Variants in ZNF180 observed in about 807,000 individuals in gnomAD.
ZNF180 encodes the protein zinc finger protein 180.
ZNF180 carries 11 observed loss-of-function variants against 11.8 expected under a neutral mutation model. The ratio of observed to expected loss-of-function variants is 0.93; its 90% CI spans 0.59 to 1.55. The LOEUF (loss-of-function observed/expected upper bound fraction) is 1.55. ZNF180 is among the 40% of genes most tolerant of loss of function. ZNF180 has a pLI of 0.00. For missense variants in ZNF180, 773 were observed against 781.7 expected, an observed-to-expected ratio of 0.99 and a Z score of 0.13; for synonymous variants, 287 against 257.7, an observed-to-expected ratio of 1.11 and a Z score of -1.09.
chr19:44,489,984 A>C (rs1271097737), intron 2 of ZNF180, among the ~76,000 whole-genome samples: 6 of 127,510 alleles, frequency 4.7e-5, no homozygotes, highest in East Asian at 2.5e-4. Context: ...AGAAAGAAAG[A>C]AAGAAAAAGC....
chr19:44,496,285 C>T (rs557413510), intron 2 of ZNF180, among the ~76,000 whole-genome samples: 2 of 152,100 alleles, frequency 1.3e-5, no homozygotes, highest in South Asian at 4.2e-4. Flanking sequence ...TCCCAAAGTA[C>T]TGGGATTATA....
At chr19:44,494,840 G>T (rs1008874224) in intron 2 of ZNF180, among the ~76,000 whole-genome samples, 1 of 152,110 alleles carries the variant, frequency 6.6e-6, no homozygotes, top group Non-Finnish European at 1.5e-5. Context: ...GCAAAAAAAT[G>T]TAACACTAAA....
intron 3 of ZNF180, among the ~76,000 whole-genome samples, chr19:44,480,746 G>T (rs1970056939): frequency 6.6e-6 from 1 of 152,196 alleles, no homozygotes; most frequent in Non-Finnish European, 1.5e-5. Flanking sequence ...TTTTGTGTAT[G>T]AAACAGTTTT....
chr19:44,499,553 A>G (rs1970683318), intron 1 of ZNF180, among the ~76,000 whole-genome samples: 1 of 152,088 alleles, frequency 6.6e-6, no homozygotes, highest in Non-Finnish European at 1.5e-5. Flanking sequence ...CCCTACTATC[A>G]GTTCAAGTTT....
chr19:44,476,111 C>T lies in ZNF180; in HGVS notation c.*291G>A, dbSNP rs912475626. On this transcript the variant is annotated 3_prime_UTR_variant, in exon 5 of 5. Transcript: ENST00000592529. ...CTTTGGCATATGATTTTCTCTGATT[C>T]AGGTCTGAGTGCTTTCTGCAAGGAA... The T allele has an allele frequency of 3.8e-6, 1 of 262,698 alleles. No individual in the cohort carries two copies. Among genetic ancestry groups the T allele is most frequent in the Non-Finnish European group, 7.2e-6 (1 of 139,514 alleles). The allele number at this position is 262,698 out of a possible 1,614,324, so 16.3% of individuals were successfully genotyped here.
Position 44,497,326 on chromosome 19 carries a change from C to T in ZNF180, c.9G>A (p.Glu3=). The T allele has an allele frequency of 1.3e-6, 2 of 1,596,798 alleles. No individual in the cohort carries two copies. Among genetic ancestry groups the T allele is most frequent in the Non-Finnish European group, 8.5e-7 (1 of 1,174,386 alleles). Residue 3 remains glutamate, a synonymous_variant, in exon 2 of 5, where the codon GAG becomes GAA. Coordinates refer to ENST00000592529, the MANE Select transcript of ZNF180 (RefSeq NM_001278509.3). Reference sequence around the variant, plus strand: ...GGGGCTCTGGGGGCTTCTCATCCTGCTCTTCCATGCTCTCCTCCAGGCACA... The same window carrying T: ...GGGGCTCTGGGGGCTTCTCATCCTGTTCTTCCATGCTCTCCTCCAGGCACA... ME[E]QDEKPPEPPK... is the part of the protein sequence containing the mutation.
chr19:44,483,604 C>CCCACCA (rs1970139346), intron 3 of ZNF180, among the ~76,000 whole-genome samples: 1 of 152,248 alleles, frequency 6.6e-6, no homozygotes, highest in Non-Finnish European at 1.5e-5. Context: ...TCATACATCT[C>CCCACCA]TCCATTCCAA....
intron 2 of ZNF180, among the ~76,000 whole-genome samples, chr19:44,492,816 A>T (rs1970483852): frequency 6.6e-6 from 1 of 152,170 alleles, no homozygotes; most frequent in African/African-American, 2.4e-5. Flanking sequence ...TATCTGTGAG[A>T]ACATTTAGAA....
chr19:44,497,700 T>C (rs1436596019), intron 1 of ZNF180, among the ~76,000 whole-genome samples: 1 of 152,058 alleles, frequency 6.6e-6, no homozygotes, highest in Non-Finnish European at 1.5e-5. Flanking sequence ...ATCCCTCTCC[T>C]ATTCACTGGG....
chr19:44,490,004 A>AG (rs1970395496), intron 2 of ZNF180, among the ~76,000 whole-genome samples: 3 of 137,794 alleles, frequency 2.2e-5, no homozygotes, highest in African/African-American at 7.8e-5. Flanking sequence ...CAAGAAAGAA[A>AG]GAAAAGAAAA....
intron 2 of ZNF180, among the ~76,000 whole-genome samples, chr19:44,489,918 AAGAAAGAG>A (rs1490469111): frequency 1.3e-5 from 2 of 149,682 alleles, no homozygotes; most frequent in Admixed American, 6.7e-5. Context: ...AAGAAAAAGA[AAGAAAGAG>A]AGAGAGAAAG....
In ZNF180 at chr19:44,474,470, T is replaced by C. The variant is rs1412424444; in HGVS notation, c.*1932A>G. 1 of 152,054 alleles carries C rather than the reference T, an allele frequency of 6.6e-6. No homozygotes were observed. Among genetic ancestry groups the C allele is most frequent in the Non-Finnish European group, 1.5e-5 (1 of 68,008 alleles). The allele number at this position is 152,054 out of a possible 1,614,324, so 9.4% of individuals were successfully genotyped here. A position where few individuals can be genotyped will look rare whatever the true frequency, so the allele number is the denominator to read the frequency against. On this transcript the variant is annotated 3_prime_UTR_variant, in exon 5 of 5. Transcript: ENST00000592529. ...TTTTATTTTTACTTTATTTTCTAGG[T>C]CTCATCATAGCTCATATATAACACT...
chr19:44,493,991 T>C (rs1970513260), intron 2 of ZNF180, among the ~76,000 whole-genome samples: 1 of 152,236 alleles, frequency 6.6e-6, no homozygotes, highest in African/African-American at 2.4e-5. Flanking sequence ...CTGACCTGGA[T>C]TCCTGACCCT....
At chr19:44,492,269 A>G (rs748626845) in intron 2 of ZNF180, among the ~76,000 whole-genome samples, 3 of 152,242 alleles carry the variant, frequency 2.0e-5, no homozygotes, top group Non-Finnish European at 4.4e-5. Flanking sequence ...TAGGAGCACA[A>G]TAAAAGTTCT....
At chr19:44,500,189 T>C (rs1414928100) in intron 1 of ZNF180, 86 bp downstream of exon 1, 1 of 1,614,034 alleles carries the variant, frequency 6.2e-7, no homozygotes, top group African/African-American at 1.3e-5. Flanking sequence ...GTCTCCCCGC[T>C]ACACTCACCA....
At chr19:44,490,539 A>G (rs922141066) in intron 2 of ZNF180, among the ~76,000 whole-genome samples, 13 of 152,258 alleles carry the variant, frequency 8.5e-5, no homozygotes, top group Non-Finnish European at 1.9e-4. Context: ...CTTTTCTTAA[A>G]AAAATGCCTG....
intron 1 of ZNF180, among the ~76,000 whole-genome samples, 158 bp from the exon 2 acceptor site, chr19:44,497,535 T>C (rs1056525780): frequency 3.9e-5 from 6 of 152,140 alleles, no homozygotes; most frequent in Admixed American, 6.5e-5. Context: ...TACCTGTGTA[T>C]GTACTGAGAG....
rs1355977678 is a variant in ZNF180 at position 44,495,701 on chromosome 19, C to A, written c.51+1583G>T. ...CAGATCTCCATATATGGACACTGGC[C>A]TCAGCCACTTGGGCTCTGACACCCA... On this transcript the variant is annotated intron_variant, in intron 2 of 4. Transcript: ENST00000592529. This position sits in a 1 kb window ranked among gnomAD's most constrained non-coding sequence, Gnocchi z 4.5. Among the ~76,000 whole-genome samples, 1 of 152,190 alleles carries A rather than the reference C, an allele frequency of 6.6e-6. No individual in the cohort carries two copies. Among genetic ancestry groups the A allele is most frequent in the East Asian group, 1.9e-4 (1 of 5,184 alleles).
At position 44,484,743 on chromosome 19, in the gene ZNF180, G is replaced by A. The variant is rs1021889373; in HGVS notation, c.52-308C>T. On this transcript the variant is annotated intron_variant, in intron 2 of 4. Transcript: ENST00000592529. Reference sequence around the variant, plus strand: ...CCAAGACACTAAGGAGCACTAAGACGCTAAGAACTGTCCAGCGGGACCTGC... The same window carrying A: ...CCAAGACACTAAGGAGCACTAAGACACTAAGAACTGTCCAGCGGGACCTGC... 39 of 395,622 alleles carry A rather than the reference G, an allele frequency of 9.9e-5. 1 individual carries two copies. Among genetic ancestry groups the A allele is most frequent in the African/African-American group, 6.4e-4 (32 of 50,036 alleles). 24.5% of individuals were successfully genotyped at this position (395,622 alleles called of 1,614,324 possible). A position where few individuals can be genotyped will look rare whatever the true frequency, so the allele number is the denominator to read the frequency against.
Sources: gnomAD v4.1 joint callset for allele counts (sites outside exome capture counted in the v4.1 genomes callset) on GRCh38, gnomAD v4.1.1 for gene constraint, Gnocchi (gnomAD v3.1) non-coding constraint, MANE v1.5 for transcripts, NCBI Gene and HGNC (gene_info 2026-07-23, HGNC 2026-07-21) for gene names.